CNTNAP5: variants seen among roughly 807,000 people sequenced by gnomAD.
CNTNAP5 encodes the protein contactin associated protein family member 5.
A neutral mutation model predicts 150.2 loss-of-function variants in CNTNAP5; 72 were observed. That is an observed-to-expected ratio of 0.48 (90% CI 0.40 to 0.58). The LOEUF (loss-of-function observed/expected upper bound fraction) is 0.58, where lower values mean the gene tolerates loss of function less well. Among genes scored for constraint, CNTNAP5 ranks in the 20% least tolerant of loss-of-function variants. CNTNAP5 has a pLI of 0.00. For synonymous variants in CNTNAP5, 672 were observed against 619.8 expected (o/e 1.08, Z -1.25); for missense variants, 1,636 against 1,626.2 (o/e 1.01, Z -0.10).
intron 12 of CNTNAP5, among the ~76,000 whole-genome samples, chr2:124,629,906 C>A (rs1677810980): frequency 1.0e-5 from 1 of 98,702 alleles, no homozygotes; most frequent in Admixed American, 1.2e-4. Flanking sequence ...AGAAATATAA[C>A]CATCAGAGAA....
intron 1 of CNTNAP5, among the ~76,000 whole-genome samples, chr2:124,066,996 C>T (rs1299121679): frequency 6.6e-6 from 1 of 152,140 alleles, no homozygotes; most frequent in Non-Finnish European, 1.5e-5. Context: ...CTCTTCAAGA[C>T]CACATTGCAA....
chr2:124,822,559 A>G lies in CNTNAP5; in HGVS notation c.3217+24239A>G, dbSNP rs936438648. On this transcript the variant is annotated intron_variant, in intron 19 of 23. Transcript: ENST00000682447. ...TGTACTATTGCCATTTTAAAAAAGC[A>G]TTTCTACATCCAGAAGTCATTTAGT... Among the ~76,000 whole-genome samples, 17 of 152,334 alleles carry G rather than the reference A, an allele frequency of 1.1e-4. No individual in the cohort carries two copies. In the East Asian group the frequency reaches 3.3e-3, roughly 29 times the overall value.
intron 1 of CNTNAP5, among the ~76,000 whole-genome samples, chr2:124,217,748 G>T (rs1039966900): frequency 6.6e-6 from 1 of 152,138 alleles, no homozygotes; most frequent in Non-Finnish European, 1.5e-5. Context: ...AAATGTAGCA[G>T]ATATTACTGG....
chr2:124,483,844 A>G (rs1248843622), intron 7 of CNTNAP5, among the ~76,000 whole-genome samples: 5 of 152,380 alleles, frequency 3.3e-5, no homozygotes, highest in African/African-American at 1.2e-4. Flanking sequence ...TAGAACTCAG[A>G]GTTCACAGCA....
intron 3 of CNTNAP5, among the ~76,000 whole-genome samples, chr2:124,298,723 T>C (rs1688500784): frequency 6.6e-6 from 1 of 152,158 alleles, no homozygotes; most frequent in Non-Finnish European, 1.5e-5. Flanking sequence ...TGTTTAATCC[T>C]AAGTGGGTCC....
At chr2:124,766,274 G>T (rs1461875288) in intron 16 of CNTNAP5, among the ~76,000 whole-genome samples, 1 of 151,920 alleles carries the variant, frequency 6.6e-6, no homozygotes, top group Non-Finnish European at 1.5e-5. Flanking sequence ...CTAAATGAAT[G>T]TTTTTCTGTA....
intron 12 of CNTNAP5, among the ~76,000 whole-genome samples, chr2:124,622,682 C>A (rs1168515035): frequency 1.3e-5 from 2 of 152,006 alleles, no homozygotes; most frequent in African/African-American, 4.8e-5. Flanking sequence ...GACACGATAT[C>A]TCATTGGAAA....
At chr2:124,277,065 T>TC (rs955091911) in intron 3 of CNTNAP5, among the ~76,000 whole-genome samples, 37 of 152,214 alleles carry the variant, frequency 2.4e-4, no homozygotes, top group African/African-American at 7.5e-4. Flanking sequence ...GATTCTATCA[T>TC]AAAATATTCC....
chr2:124,859,302 GA>G (rs1200935407), intron 19 of CNTNAP5, among the ~76,000 whole-genome samples: 9 of 152,140 alleles, frequency 5.9e-5, no homozygotes, highest in Non-Finnish European at 1.3e-4. Context: ...AAAAACACAT[GA>G]AAAAATGCTC....
chr2:124,358,183 T>C lies in CNTNAP5; in HGVS notation c.382-59260T>C, dbSNP rs1690077558. 2.6e-5 allele frequency among the ~76,000 whole-genome samples: 4 copies of C among 152,296 alleles called. No individual in the cohort carries two copies. The South Asian group carries it at 8.3e-4, about 32-fold the overall frequency. ...CGTGAGACTCTGCTGAAGTTACTTA[T>C]CAGCTTAAGGAGATTTTGGGCTGAG... On this transcript the variant is annotated intron_variant, in intron 3 of 23. Coordinates refer to ENST00000682447, the MANE Select transcript of CNTNAP5 (RefSeq NM_001367498.1).
rs761790564 is a variant in CNTNAP5 at position 124,889,078 on chromosome 2, C to CT, written c.3437-13776dup. On this transcript the variant is annotated intron_variant, in intron 21 of 23. Coordinates refer to ENST00000682447, the MANE Select transcript of CNTNAP5 (RefSeq NM_001367498.1). Reference sequence around the variant, plus strand: ...AGGATTCTTATAGTTTGAGGTCTAGCTTTTTTTTTTTTTTTTTTTTTTTTT... The same window carrying CT: ...AGGATTCTTATAGTTTGAGGTCTAGCTTTTTTTTTTTTTTTTTTTTTTTTTT... Among the ~76,000 whole-genome samples the CT allele has an allele frequency of 8.3e-3, 568 of 68,800 alleles. 101 individuals are homozygous for CT. Among genetic ancestry groups the CT allele is most frequent in the Middle Eastern group, 0.013 (1 of 76 alleles). 45.1% of individuals were successfully genotyped at this position (68,800 alleles called of 152,430 possible).
intron 1 of CNTNAP5, among the ~76,000 whole-genome samples, chr2:124,169,011 G>A (rs1365527857): frequency 6.6e-6 from 1 of 152,096 alleles, no homozygotes; most frequent in East Asian, 1.9e-4. Flanking sequence ...CTTGAATCAC[G>A]ATGCCCACTT....
chr2:124,622,031 C>T (rs1018489416), intron 12 of CNTNAP5, among the ~76,000 whole-genome samples: 4 of 152,020 alleles, frequency 2.6e-5, no homozygotes, highest in Non-Finnish European at 4.4e-5. Flanking sequence ...AAACGTGTGC[C>T]GTGATGGTTT....
chr2:124,647,217 C>G (rs1365722170), intron 12 of CNTNAP5, among the ~76,000 whole-genome samples: 3 of 152,158 alleles, frequency 2.0e-5, no homozygotes, highest in Admixed American at 1.3e-4. Flanking sequence ...GGAATAAATA[C>G]TAAACAAAAC....
At chr2:124,107,822 G>T (rs1187847385) in intron 1 of CNTNAP5, among the ~76,000 whole-genome samples, 3 of 152,180 alleles carry the variant, frequency 2.0e-5, no homozygotes, top group Admixed American at 6.5e-5. Context: ...AGGTGACTGA[G>T]GTACAGCTTG....
Position 124,888,795 on chromosome 2 carries a change from C to T in CNTNAP5, c.3437-14087C>T, listed in dbSNP as rs1678133551. 2.6e-5 allele frequency among the ~76,000 whole-genome samples: 4 copies of T among 151,566 alleles called. No homozygotes were observed. In the South Asian group the frequency reaches 8.3e-4, roughly 31 times the overall value. ...TGCCCTTTTTTTTTAGTAAGGTTAA[C>T]TGTTTTTAGCTTGCTGATTTAAGTT... On this transcript the variant is annotated intron_variant, in intron 21 of 23. Coordinates refer to ENST00000682447, the MANE Select transcript of CNTNAP5 (RefSeq NM_001367498.1).
At chr2:124,297,152 G>A (rs1688454009) in intron 3 of CNTNAP5, among the ~76,000 whole-genome samples, 1 of 152,202 alleles carries the variant, frequency 6.6e-6, no homozygotes, top group East Asian at 1.9e-4. Context: ...AGAGCCACAA[G>A]GAATATTTTA....
rs779750586 is a variant in CNTNAP5, at chr2:124,222,266, G to C, written c.187+457G>C. 2.0e-5 allele frequency among the ~76,000 whole-genome samples: 3 copies of C among 151,988 alleles called. No individual in the cohort carries two copies. The East Asian group carries it at 5.8e-4, about 29-fold the overall frequency. ...GAAAGTAAGAAAATATAAATAATCT[G>C]TTATTCTACCAGCTAGAAATAACTG... On this transcript the variant is annotated intron_variant, in intron 2 of 23. Transcript: ENST00000682447.
Position 124,517,453 on chromosome 2 carries a change from A to AAGGTTGTGTTGTTGCTCATGGG in CNTNAP5, c.1328-6841_1328-6820dup, listed in dbSNP as rs1558936504. On this transcript the variant is annotated intron_variant, in intron 8 of 23. Coordinates refer to ENST00000682447, the MANE Select transcript of CNTNAP5 (RefSeq NM_001367498.1). Reference sequence around the variant, plus strand: ...TGGGAGCTTGTGGTGTTGGTAATGGAAGGTTGTGTTGTTGCTCATGGGAGG... The same window carrying AAGGTTGTGTTGTTGCTCATGGG: ...TGGGAGCTTGTGGTGTTGGTAATGGAAGGTTGTGTTGTTGCTCATGGGAGGTTGTGTTGTTGCTCATGGGAGG... Among the ~76,000 whole-genome samples, 6 of 145,806 alleles carry AAGGTTGTGTTGTTGCTCATGGG rather than the reference A, an allele frequency of 4.1e-5. No homozygotes were observed. The East Asian group carries it at 1.0e-3, about 25-fold the overall frequency.
Sources: gnomAD v4.1 joint callset for allele counts (sites outside exome capture counted in the v4.1 genomes callset) on GRCh38, gnomAD v4.1.1 for gene constraint, MANE v1.5 for transcripts, NCBI Gene and HGNC (gene_info 2026-07-23, HGNC 2026-07-21) for gene names.